The following RPS6KB1 variants were observed in gnomAD, a reference collection of about 807,000 sequenced individuals.
RPS6KB1 encodes the protein ribosomal protein S6 kinase beta-1.
Under a neutral mutation model 70.2 loss-of-function variants are expected in RPS6KB1, and 12 were observed. The observed-to-expected ratio is 0.17, with a 90% CI of 0.11 to 0.28. RPS6KB1 has a LOEUF of 0.28. Ranked by LOEUF, RPS6KB1 falls within the 10% of genes least tolerant of loss-of-function variation. RPS6KB1 has a pLI of 1.00. For synonymous variants in RPS6KB1, 175 were observed against 211.2 expected (o/e 0.83, Z 1.49); for missense variants, 270 against 646.6 (o/e 0.42, Z 6.32).
At chr17:59,940,614 CTG>C (rs1289964814) in intron 12 of RPS6KB1, among the ~76,000 whole-genome samples, 3 of 151,996 alleles carry the variant, frequency 2.0e-5, no homozygotes, top group Non-Finnish European at 4.4e-5. Flanking sequence ...ATAGGAATAA[CTG>C]TATACTAAAA....
chr17:59,903,054 T>C (rs2042050622), intron 1 of RPS6KB1, among the ~76,000 whole-genome samples: 1 of 151,916 alleles, frequency 6.6e-6, no homozygotes, highest in African/African-American at 2.4e-5. Flanking sequence ...TGGCCTGTAT[T>C]CCCAGCACTT....
intron 13 of RPS6KB1, among the ~76,000 whole-genome samples, chr17:59,942,920 C>T (rs887738916): frequency 2.6e-5 from 4 of 151,338 alleles, no homozygotes; most frequent in African/African-American, 4.9e-5. Flanking sequence ...GCAGAGGTTG[C>T]AGGAGCCAAG....
rs1238442862 is a variant in RPS6KB1, at chr17:59,949,574, A to T, written c.*2786A>T. ...AGGTTTGTAGCATTACAGAATAACT[A>T]AACTGGGATTTATAAACCAGCTGTG... On this transcript the variant is annotated 3_prime_UTR_variant, in exon 15 of 15. Transcript: ENST00000225577. 1 of 152,586 alleles carries T rather than the reference A, an allele frequency of 6.6e-6. No individual in the cohort carries two copies. The allele number at this position is 152,586 out of a possible 1,614,324, so 9.5% of individuals were successfully genotyped here. A position where few individuals can be genotyped will look rare whatever the true frequency, so the allele number is the denominator to read the frequency against.
At chr17:59,904,858 A>G (rs2042174729) in intron 1 of RPS6KB1, among the ~76,000 whole-genome samples, 1 of 151,112 alleles carries the variant, frequency 6.6e-6, no homozygotes, top group Middle Eastern at 3.2e-3. Context: ...CACCATATCC[A>G]GCTCATTTTT....
At chr17:59,914,208 A>G (rs891214860) in intron 3 of RPS6KB1, among the ~76,000 whole-genome samples, 21 of 152,188 alleles carry the variant, frequency 1.4e-4, no homozygotes, top group Non-Finnish European at 2.9e-4. Flanking sequence ...AGTGGCAAGC[A>G]ACCTTGAAAG....
At chr17:59,945,764 A>G (rs1480014990) in intron 14 of RPS6KB1, among the ~76,000 whole-genome samples, 6 of 152,198 alleles carry the variant, frequency 3.9e-5, no homozygotes, top group Non-Finnish European at 8.8e-5. Context: ...CCATTCACTC[A>G]GCATTTATTG....
chr17:59,928,885 G>T (rs1308010054), intron 5 of RPS6KB1, among the ~76,000 whole-genome samples: 3 of 152,032 alleles, frequency 2.0e-5, no homozygotes, highest in Non-Finnish European at 4.4e-5. Flanking sequence ...TTAGATTCAG[G>T]TTATGCAATT....
intron 1 of RPS6KB1, chr17:59,906,953 A>G (rs1317764128): frequency 6.6e-6 from 1 of 151,272 alleles, no homozygotes; most frequent in Non-Finnish European, 1.5e-5. Context: ...CTTGGCCTCC[A>G]AAGTGCTGGG....
chr17:59,936,136 G>T, intron 10 of RPS6KB1, 79 bp from the exon 11 acceptor site: 2 of 1,309,906 alleles, frequency 1.5e-6, no homozygotes, highest in South Asian at 2.5e-5. Context: ...AGCCAAAGTA[G>T]ACAAGCACAG....
chr17:59,938,714 TGTG>T (rs2044401081), intron 12 of RPS6KB1, among the ~76,000 whole-genome samples: 2 of 149,338 alleles, frequency 1.3e-5, no homozygotes, highest in African/African-American at 4.9e-5. Flanking sequence ...TGTGTGTGTG[TGTG>T]TGTGTGTGTG....
At chr17:59,936,388 T>A in intron 11 of RPS6KB1, 76 bp from the exon 12 acceptor site, 1 of 1,530,924 alleles carries the variant, frequency 6.5e-7, no homozygotes. Flanking sequence ...GACTTGTAAC[T>A]TCAAAAAGGT....
rs1295540373 is a variant in RPS6KB1 at position 59,948,173 on chromosome 17, T to C, written c.*1385T>C. On this transcript the variant is annotated 3_prime_UTR_variant, in exon 15 of 15. Coordinates refer to ENST00000225577, the MANE Select transcript of RPS6KB1 (RefSeq NM_003161.4). ...AAAAGAATAAAAATAAAGGTAACTT[T>C]ACCTTTCTTAAATATTTCCTGCCTT... is the stretch of plus-strand genomic sequence containing the variant. 2 of 152,646 alleles carry C rather than the reference T, an allele frequency of 1.3e-5. No individual in the cohort carries two copies. The highest frequency in any genetic ancestry group is 4.8e-5 in the African/African-American group (2 of 41,462). 9.5% of individuals were successfully genotyped at this position (152,646 alleles called of 1,614,324 possible). A position where few individuals can be genotyped will look rare whatever the true frequency, so the allele number is the denominator to read the frequency against.
At chr17:59,909,442 A>G (rs1171693776) in intron 1 of RPS6KB1, among the ~76,000 whole-genome samples, 2 of 145,034 alleles carry the variant, frequency 1.4e-5, no homozygotes, top group African/African-American at 5.1e-5. Context: ...TAATTTTTGT[A>G]TTTTTATTAG....
intron 13 of RPS6KB1, among the ~76,000 whole-genome samples, chr17:59,941,758 C>T (rs1347077037): frequency 2.7e-5 from 4 of 150,036 alleles, no homozygotes; most frequent in Admixed American, 2.0e-4. Flanking sequence ...CTCAGCCTCC[C>T]GAGTAGCTGG....
At chr17:59,900,392 T>C (rs769945450) in intron 1 of RPS6KB1, among the ~76,000 whole-genome samples, 4 of 151,840 alleles carry the variant, frequency 2.6e-5, no homozygotes, top group Non-Finnish European at 5.9e-5. Flanking sequence ...TGAGATGGAG[T>C]CTCACTCTTG....
intron 13 of RPS6KB1, among the ~76,000 whole-genome samples, chr17:59,943,243 G>A (rs1219585871): frequency 6.6e-6 from 1 of 152,104 alleles, no homozygotes; most frequent in African/African-American, 2.4e-5. Context: ...GTTCAGTTAG[G>A]GAAGTGGGCA....
chr17:59,914,845 C>T lies in RPS6KB1; in HGVS notation c.381+142C>T, dbSNP rs145925629. 3.3e-4 allele frequency: 221 copies of T among 670,002 alleles called. 2 individuals carry two copies. The highest frequency in any genetic ancestry group is 2.2e-3 in the Admixed American group (76 of 34,672). 41.5% of individuals were successfully genotyped at this position (670,002 alleles called of 1,614,324 possible). ...AATTTGCAGTCAAAAAAATGTATCT[C>T]AAGCCAGGTACAGTGGTGCACACCT... On this transcript the variant is annotated intron_variant, in intron 4 of 14. Transcript: ENST00000225577.
rs549098959 is a variant in RPS6KB1 at position 59,922,022 on chromosome 17, TCTC to T, written c.382-4410_382-4408del. Among the ~76,000 whole-genome samples the T allele has an allele frequency of 6.6e-5, 10 of 150,922 alleles. No homozygotes were observed. In the East Asian group the frequency reaches 1.4e-3, roughly 21 times the overall value. ...CTTCACCCCTAATTTCATCTATACA[TCTC>T]CTAAGAATAAGGGCATTTTTTTTTT... On this transcript the variant is annotated intron_variant, in intron 4 of 14. Coordinates refer to ENST00000225577, the MANE Select transcript of RPS6KB1 (RefSeq NM_003161.4).
intron 4 of RPS6KB1, among the ~76,000 whole-genome samples, chr17:59,922,868 G>GTTTTTTT (rs200633304): frequency 2.2e-5 from 3 of 135,430 alleles, no homozygotes; most frequent in Non-Finnish European, 3.2e-5. Context: ...AAAAAAATTT[G>GTTTTTTT]TTTGTTTTTT....
Sources: gnomAD v4.1 joint callset for allele counts (sites outside exome capture counted in the v4.1 genomes callset) on GRCh38, gnomAD v4.1.1 for gene constraint, MANE v1.5 for transcripts, NCBI Gene and HGNC (gene_info 2026-07-23, HGNC 2026-07-21) for gene names.